Variants in EYA4 observed in about 807,000 individuals in gnomAD.
The protein encoded by EYA4 is EYA transcriptional coactivator and phosphatase 4, also known as protein phosphatase EYA4.
Under a neutral mutation model 87.9 loss-of-function variants are expected in EYA4, and 31 were observed. That is an observed-to-expected ratio of 0.35 (90% CI 0.27 to 0.48). The LOEUF is 0.48. Among genes scored for constraint, EYA4 ranks in the 20% least tolerant of loss-of-function variants. The pLI is 0.99. For synonymous variants in EYA4, 263 were observed against 270.6 expected, an observed-to-expected ratio of 0.97 and a Z score of 0.28; for missense variants, 678 against 761.4, an observed-to-expected ratio of 0.89 and a Z score of 1.29.
At chr6:133,269,402 A>G (rs986293450) in intron 1 of EYA4, among the ~76,000 whole-genome samples, 4 of 152,156 alleles carry the variant, frequency 2.6e-5, no homozygotes, top group African/African-American at 9.7e-5. Flanking sequence ...ATGCTTTCCT[A>G]GTTTTGGAGT....
chr6:133,506,011 C>G, intron 13 of EYA4, 95 bp from the exon 14 acceptor site: 1 of 809,552 alleles, frequency 1.2e-6, no homozygotes. Context: ...ATGCAGTCTT[C>G]TCCCTCTTCC....
intron 13 of EYA4, among the ~76,000 whole-genome samples, chr6:133,500,655 C>T (rs1798037982): frequency 6.6e-6 from 1 of 152,178 alleles, no homozygotes; most frequent in South Asian, 2.1e-4. Flanking sequence ...CATCTGTAGC[C>T]ATAGATGTCT....
At chr6:133,321,338 C>T (rs1781075039) in intron 2 of EYA4, among the ~76,000 whole-genome samples, 1 of 152,080 alleles carries the variant, frequency 6.6e-6, no homozygotes. Context: ...AATAGGGTTG[C>T]CTTGTCTTTA....
chr6:133,469,378 G>A (rs73544957), intron 11 of EYA4, among the ~76,000 whole-genome samples: 7,382 of 152,066 alleles, frequency 0.049, 354 homozygotes, highest in East Asian at 0.18. Context: ...CACAAGGAAA[G>A]GTGGATGAAT....
chr6:133,261,775 T>C (rs957977815), intron 1 of EYA4, among the ~76,000 whole-genome samples: 1 of 152,190 alleles, frequency 6.6e-6, no homozygotes, highest in African/African-American at 2.4e-5. Flanking sequence ...TTTAATTCAG[T>C]ATATGAAGAG....
At chr6:133,336,352 A>G (rs1782366575) in intron 2 of EYA4, among the ~76,000 whole-genome samples, 1 of 152,190 alleles carries the variant, frequency 6.6e-6, no homozygotes, top group Non-Finnish European at 1.5e-5. Flanking sequence ...GCCTGGTATC[A>G]CAGATTGTGT....
rs74786004 is a variant in EYA4, at chr6:133,393,267, T to G, written c.83+10826T>G. Among the ~76,000 whole-genome samples the G allele has an allele frequency of 4.9e-3, 751 of 152,242 alleles. 16 individuals are homozygous for G. In the East Asian group the frequency reaches 0.077, roughly 16 times the overall value. ...GATATAGTGGTTTTCCTCTCAGTAGTTCAATTAAATGCTTATTCTCCCCCT... is the reference window on the plus strand; with the variant it reads ...GATATAGTGGTTTTCCTCTCAGTAGGTCAATTAAATGCTTATTCTCCCCCT... On this transcript the variant is annotated intron_variant, in intron 3 of 19. Coordinates refer to ENST00000355286, the MANE Select transcript of EYA4 (RefSeq NM_004100.5).
chr6:133,376,038 TTAGAG>T (rs1042190314), intron 2 of EYA4, among the ~76,000 whole-genome samples: 1 of 151,852 alleles, frequency 6.6e-6, no homozygotes, highest in African/African-American at 2.4e-5. Context: ...GATTCACATC[TTAGAG>T]TATTCACATT....
intron 13 of EYA4, among the ~76,000 whole-genome samples, chr6:133,505,580 T>C (rs1798526367): frequency 6.6e-6 from 1 of 152,212 alleles, no homozygotes; most frequent in South Asian, 2.1e-4. Flanking sequence ...AAAAATTAAG[T>C]GATGGTCGCA....
chr6:133,276,930 G>GA (rs1777225546), intron 2 of EYA4, among the ~76,000 whole-genome samples: 1 of 148,034 alleles, frequency 6.8e-6, no homozygotes, highest in Non-Finnish European at 1.5e-5. Context: ...AAAAGAAAAA[G>GA]AATCAGCCCC....
At chr6:133,363,478 CTT>C (rs71003637) in intron 2 of EYA4, 5,404 of 137,076 alleles carry the variant, frequency 0.039, 238 homozygotes, top group African/African-American at 0.12. Context: ...CCTTGTAACT[CTT>C]TTTTTTTTTT....
At chr6:133,458,163 A>C (rs1372395707) in intron 6 of EYA4, among the ~76,000 whole-genome samples, 1 of 152,262 alleles carries the variant, frequency 6.6e-6, no homozygotes, top group Non-Finnish European at 1.5e-5. Flanking sequence ...TATTTTCGCA[A>C]ATTTTTAAAG....
intron 3 of EYA4, among the ~76,000 whole-genome samples, chr6:133,384,557 A>T (rs1786530688): frequency 6.6e-6 from 1 of 152,202 alleles, no homozygotes; most frequent in African/African-American, 2.4e-5. Flanking sequence ...AAAATGTGAG[A>T]TGGAAAGACC....
chr6:133,283,730 T>C (rs559779852), intron 2 of EYA4, among the ~76,000 whole-genome samples: 230 of 152,316 alleles, frequency 1.5e-3, no homozygotes, highest in African/African-American at 5.4e-3. Flanking sequence ...TACGTGGATA[T>C]ATTGCATGGT....
At chr6:133,383,256 A>G (rs866340245) in intron 3 of EYA4, among the ~76,000 whole-genome samples, 7 of 152,164 alleles carry the variant, frequency 4.6e-5, no homozygotes, top group African/African-American at 1.4e-4. Context: ...TTGCATATCT[A>G]GGTAAAATGT....
chr6:133,475,463 G>T (rs975451189), intron 11 of EYA4, among the ~76,000 whole-genome samples: 5 of 152,034 alleles, frequency 3.3e-5, no homozygotes, highest in African/African-American at 1.2e-4. Context: ...CCTAACAGGT[G>T]CTCTAGAAAA....
At chr6:133,490,124 T>G (rs1323901548) in intron 13 of EYA4, among the ~76,000 whole-genome samples, 1 of 152,152 alleles carries the variant, frequency 6.6e-6, no homozygotes, top group Admixed American at 6.5e-5. Flanking sequence ...TAATGAGTTA[T>G]ATTATTTGCA....
In EYA4 at chr6:133,357,131, C is replaced by T. The variant is rs545109805; in HGVS notation, c.34-25261C>T. 3.9e-3 allele frequency among the ~76,000 whole-genome samples: 587 copies of T among 151,710 alleles called. 4 individuals carry two copies. Among genetic ancestry groups the T allele is most frequent in the Middle Eastern group, 0.017 (5 of 294 alleles). ...CTAAAAATACAAAAAATTAGCCGGG[C>T]TTCGTGGCGGGCGCCTGTAGTCCCA... On this transcript the variant is annotated intron_variant, in intron 2 of 19. Coordinates refer to ENST00000355286, the MANE Select transcript of EYA4 (RefSeq NM_004100.5).
intron 2 of EYA4, among the ~76,000 whole-genome samples, chr6:133,357,536 C>T (rs1317027634): frequency 1.3e-5 from 2 of 152,026 alleles, no homozygotes; most frequent in Non-Finnish European, 2.9e-5. Flanking sequence ...CAGAAAAATT[C>T]CCCAAATATC....
Sources: allele counts gnomAD v4.1 joint callset (sites outside exome capture counted in the v4.1 genomes callset), GRCh38; gene constraint gnomAD v4.1.1; transcripts MANE v1.5; gene names NCBI Gene and HGNC (gene_info 2026-07-23, HGNC 2026-07-21).